MAD1L1: variants seen among roughly 807,000 people sequenced by gnomAD.
MAD1L1 encodes mitotic arrest deficient 1 like 1.
In MAD1L1, 95 loss-of-function variants were observed where a neutral mutation model predicts 96.9. The ratio of observed to expected loss-of-function variants is 0.98; its 90% CI spans 0.83 to 1.16. MAD1L1 has a LOEUF of 1.16. Among genes scored for constraint, MAD1L1 ranks in the 50% most tolerant of loss-of-function variants. The pLI, the probability that MAD1L1 is intolerant of heterozygous loss-of-function variation, is 0.00. For synonymous variants in MAD1L1, 473 were observed against 396.6 expected, an observed-to-expected ratio of 1.19 and a Z score of -2.29; for missense variants, 1,007 against 954.4, an observed-to-expected ratio of 1.06 and a Z score of -0.73.
At chr7:2,008,442 G>GC (rs545740215) in intron 13 of MAD1L1, among the ~76,000 whole-genome samples, 1 of 152,258 alleles carries the variant, frequency 6.6e-6, no homozygotes, top group African/African-American at 2.4e-5. Context: ...ACCGGGTGGA[G>GC]CCCCCAGGCC....
At chr7:1,902,714 C>T (rs930561782) in intron 17 of MAD1L1, among the ~76,000 whole-genome samples, 2 of 152,248 alleles carry the variant, frequency 1.3e-5, no homozygotes, top group Non-Finnish European at 2.9e-5. Flanking sequence ...GTACGTCCTG[C>T]AGTGGGAAGG....
intron 11 of MAD1L1, among the ~76,000 whole-genome samples, chr7:2,112,086 G>A (rs1445615661): frequency 1.3e-5 from 2 of 152,162 alleles, no homozygotes; most frequent in Non-Finnish European, 2.9e-5. Context: ...GCAGCGCTGC[G>A]ATTCACACAG....
intron 10 of MAD1L1, among the ~76,000 whole-genome samples, chr7:2,160,749 G>C (rs1336510038): frequency 2.0e-5 from 3 of 151,888 alleles, no homozygotes; most frequent in Non-Finnish European, 4.4e-5. Flanking sequence ...AGAGTAGCTG[G>C]GATTACAGGT....
chr7:2,002,118 G>A lies in MAD1L1; in HGVS notation c.1363C>T (p.Gln455Ter). 2 of 1,613,034 alleles carry A rather than the reference G, an allele frequency of 1.2e-6. No homozygotes were observed. Among genetic ancestry groups the A allele is most frequent in the Non-Finnish European group, 1.7e-6 (2 of 1,179,990 alleles). Residue 455 changes from glutamine (Q) to a stop codon, truncating the protein, a stop_gained, in exon 14 of 19, where the codon CAG becomes TAG. Coordinates refer to ENST00000265854, the MANE Select transcript of MAD1L1 (RefSeq NM_001013836.2). LOFTEE classifies it high-confidence loss of function. ...VHSHSAEMEA[Q>*]LSQALEELGG... ...AGCTCCTCCAGGGCCTGCGACAGCT[G>A]AGCCTGCAAGACAAGACAGGATTCG...
chr7:1,855,391 G>A (rs1352723640), intron 18 of MAD1L1, among the ~76,000 whole-genome samples: 1 of 151,952 alleles, frequency 6.6e-6, no homozygotes, highest in African/African-American at 2.4e-5. Context: ...GCTTCCTTCT[G>A]CTTGATGCCA....
chr7:2,214,511 ACAGCTGGG>A (rs1793157398), intron 9 of MAD1L1, among the ~76,000 whole-genome samples: 1 of 152,176 alleles, frequency 6.6e-6, no homozygotes, highest in Non-Finnish European at 1.5e-5. Context: ...GGCCAGCTGG[ACAGCTGGG>A]CAGCTGCAGA....
At chr7:2,123,165 T>C (rs1788060180) in intron 11 of MAD1L1, among the ~76,000 whole-genome samples, 1 of 151,370 alleles carries the variant, frequency 6.6e-6, no homozygotes, top group Non-Finnish European at 1.5e-5. Context: ...TAGCCAGGCG[T>C]GGTGGTGGGC....
intron 18 of MAD1L1, among the ~76,000 whole-genome samples, chr7:1,881,477 C>G (rs1384563234): frequency 6.6e-6 from 1 of 152,150 alleles, no homozygotes; most frequent in African/African-American, 2.4e-5. Flanking sequence ...TCTGTGTGGA[C>G]AGATGATTGC....
At chr7:2,003,525 G>A (rs969397632) in intron 13 of MAD1L1, among the ~76,000 whole-genome samples, 2 of 150,944 alleles carry the variant, frequency 1.3e-5, no homozygotes, top group African/African-American at 2.4e-5. Flanking sequence ...GTGCCTGCTG[G>A]TTCTGGACGC....
chr7:2,110,200 C>G (rs73038485), intron 11 of MAD1L1, among the ~76,000 whole-genome samples: 7 of 152,224 alleles, frequency 4.6e-5, no homozygotes, highest in Non-Finnish European at 8.8e-5. Flanking sequence ...GAAGCCTCCT[C>G]CTGTGACTTC....
intron 2 of MAD1L1, 77 bp from the exon 3 acceptor site, chr7:2,230,220 G>A (rs1562394600): frequency 8.3e-7 from 1 of 1,206,132 alleles, no homozygotes; most frequent in South Asian, 1.4e-5. Context: ...CAGAGCCTCT[G>A]GACAGCCCCA....
At chr7:2,200,088 A>G (rs1478214739) in intron 10 of MAD1L1, among the ~76,000 whole-genome samples, 2 of 151,654 alleles carry the variant, frequency 1.3e-5, no homozygotes, top group Non-Finnish European at 2.9e-5. Context: ...TCCATCCTCC[A>G]CCCCTCCCGG....
intron 13 of MAD1L1, among the ~76,000 whole-genome samples, chr7:2,011,772 A>T (rs1034264217): frequency 1.3e-5 from 2 of 151,952 alleles, no homozygotes; most frequent in African/African-American, 2.4e-5. Context: ...GGCCTGGAAG[A>T]CCTCTCTGGA....
chr7:2,008,157 G>A (rs1451756772), intron 13 of MAD1L1, among the ~76,000 whole-genome samples: 1 of 152,220 alleles, frequency 6.6e-6, no homozygotes, highest in Non-Finnish European at 1.5e-5. Flanking sequence ...TTTAAAACAT[G>A]GAATCCCCAG....
intron 18 of MAD1L1, among the ~76,000 whole-genome samples, chr7:1,827,531 TCCCGGGTGTGGGGG>T (rs1782471881): frequency 5.5e-5 from 6 of 108,726 alleles, no homozygotes; most frequent in African/African-American, 6.4e-5. Context: ...CCTGAGCCCG[TCCCGGGTGTGGGGG>T]CCTCCCCTCC....
intron 18 of MAD1L1, among the ~76,000 whole-genome samples, chr7:1,891,486 A>C (rs1016026711): frequency 6.6e-6 from 1 of 152,178 alleles, no homozygotes; most frequent in Non-Finnish European, 1.5e-5. Flanking sequence ...AAATCGCGCC[A>C]CTGCACTCCA....
chr7:1,916,469 G>A (rs750005600), intron 17 of MAD1L1, among the ~76,000 whole-genome samples: 1 of 152,146 alleles, frequency 6.6e-6, no homozygotes, highest in Non-Finnish European at 1.5e-5. Flanking sequence ...GCACGAGGCG[G>A]GGACAGCACG....
At chr7:1,923,205 G>A (rs1212157363) in intron 17 of MAD1L1, among the ~76,000 whole-genome samples, 1 of 152,204 alleles carries the variant, frequency 6.6e-6, no homozygotes. Flanking sequence ...TAGGATTAAT[G>A]AGACGATCTA....
intron 17 of MAD1L1, among the ~76,000 whole-genome samples, chr7:1,930,800 G>A (rs943891706): frequency 6.6e-6 from 1 of 152,014 alleles, no homozygotes; most frequent in Non-Finnish European, 1.5e-5. Context: ...CCTTAAGCCA[G>A]TGACAGGCCT....
Sources: allele counts gnomAD v4.1 joint callset (sites outside exome capture counted in the v4.1 genomes callset), GRCh38; gene constraint gnomAD v4.1.1; transcripts MANE v1.5; gene names NCBI Gene and HGNC (gene_info 2026-07-23, HGNC 2026-07-21).